ST6GALNAC3: variants seen among roughly 807,000 people sequenced by gnomAD.
ST6GALNAC3 encodes ST6 N-acetylgalactosaminide alpha-2,6-sialyltransferase 3, also known as alpha-N-acetylgalactosaminide alpha-2,6-sialyltransferase 3.
In ST6GALNAC3, 25 loss-of-function variants were observed where a neutral mutation model predicts 32.7. That is an observed-to-expected ratio of 0.76 (90% CI 0.56 to 1.07). The LOEUF (loss-of-function observed/expected upper bound fraction) is 1.07. ST6GALNAC3 is among the 50% of genes least tolerant of loss of function. The pLI is 0.00. For synonymous variants in ST6GALNAC3, 129 were observed against 133.1 expected (o/e 0.97, Z 0.21); for missense variants, 355 against 382.4 (o/e 0.93, Z 0.60).
chr1:76,486,184 G>A (rs1175501661), intron 3 of ST6GALNAC3, among the ~76,000 whole-genome samples: 2 of 152,198 alleles, frequency 1.3e-5, no homozygotes, highest in African/African-American at 4.8e-5. Context: ...GTGGTGATGA[G>A]AAGAATGTAT....
chr1:76,374,233 A>G (rs1651043952), intron 2 of ST6GALNAC3, among the ~76,000 whole-genome samples: 2 of 152,340 alleles, frequency 1.3e-5, no homozygotes, highest in South Asian at 4.1e-4. Context: ...TTGAAAAAAT[A>G]AATGTGATGC....
At chr1:76,393,108 A>G (rs2101163958) in intron 2 of ST6GALNAC3, among the ~76,000 whole-genome samples, 1 of 152,348 alleles carries the variant, frequency 6.6e-6, no homozygotes, top group Admixed American at 6.5e-5. Flanking sequence ...AGTCTTCCTA[A>G]CACCCAGAGA....
At chr1:76,130,468 T>C (rs562354257) in intron 1 of ST6GALNAC3, among the ~76,000 whole-genome samples, 1 of 152,298 alleles carries the variant, frequency 6.6e-6, no homozygotes, top group Admixed American at 6.5e-5. Flanking sequence ...GGCCATGCCT[T>C]CAGCTAGAAC....
chr1:76,618,644 G>T lies in ST6GALNAC3; in HGVS notation c.624-8808G>T, dbSNP rs1466387530. Among the ~76,000 whole-genome samples, 3 of 151,990 alleles carry T rather than the reference G, an allele frequency of 2.0e-5. No homozygotes were observed. In the East Asian group the frequency reaches 5.8e-4, roughly 29 times the overall value. The stretch of plus-strand genomic sequence containing the variant: ...GCTATAACTCTGCTAAGCTTAGCTG[G>T]CCGTGGCTCCAGTTTTGGGCTCATG... On this transcript the variant is annotated intron_variant, in intron 3 of 4. Coordinates refer to ENST00000328299, the MANE Select transcript of ST6GALNAC3 (RefSeq NM_152996.4).
chr1:76,084,323 G>T (rs948153300), intron 1 of ST6GALNAC3, among the ~76,000 whole-genome samples: 4 of 152,184 alleles, frequency 2.6e-5, no homozygotes, highest in African/African-American at 9.7e-5. Flanking sequence ...ATCTGAAAAT[G>T]CAGTCCTCAG....
intron 1 of ST6GALNAC3, among the ~76,000 whole-genome samples, chr1:76,172,501 G>A (rs1189757175): frequency 6.6e-6 from 1 of 152,120 alleles, no homozygotes; most frequent in East Asian, 1.9e-4. Flanking sequence ...AATCAGGCAA[G>A]AGAAAGAAAT....
intron 3 of ST6GALNAC3, among the ~76,000 whole-genome samples, chr1:76,510,280 T>C (rs1162306114): frequency 2.0e-5 from 3 of 152,104 alleles, no homozygotes; most frequent in African/African-American, 7.2e-5. Context: ...GGAGGCATGA[T>C]TATGAGCTAA....
intron 2 of ST6GALNAC3, among the ~76,000 whole-genome samples, chr1:76,325,704 A>G (rs1464279184): frequency 2.0e-5 from 3 of 149,978 alleles, no homozygotes; most frequent in Non-Finnish European, 3.0e-5. Flanking sequence ...GAGCTCTGAC[A>G]ATCTAGTACT....
chr1:76,208,797 T>A (rs529804778), intron 1 of ST6GALNAC3, among the ~76,000 whole-genome samples: 3 of 152,338 alleles, frequency 2.0e-5, no homozygotes, highest in Non-Finnish European at 4.4e-5. Flanking sequence ...TCAATACTTT[T>A]CATACTAAAC....
chr1:76,628,762 A>G lies in ST6GALNAC3; in HGVS notation c.874A>G (p.Lys292Glu), dbSNP rs771160661. ...EKKVFAKWAKKHRIIFTHPNW... is the reference protein window; with the variant it reads ...EKKVFAKWAKEHRIIFTHPNW... ...GAAAGTGTTTGCTAAATGGGCCAAG[A>G]AGCACAGGATAATATTTACACATCC... The change falls in exon 5 of 5, where the codon AAG becomes GAG. Residue 292 changes from lysine (K) to glutamate (E), a missense_variant. Transcript: ENST00000328299. 10 of 1,612,278 alleles carry G rather than the reference A, an allele frequency of 6.2e-6. No homozygotes were observed. The South Asian group carries it at 1.1e-4, about 18-fold the overall frequency.
intron 1 of ST6GALNAC3, among the ~76,000 whole-genome samples, chr1:76,090,001 G>A (rs1420868204): frequency 1.3e-5 from 2 of 152,126 alleles, no homozygotes; most frequent in Non-Finnish European, 2.9e-5. Flanking sequence ...ACATACACCT[G>A]GGTGTGCACT....
chr1:76,488,664 C>A (rs1660295161), intron 3 of ST6GALNAC3, among the ~76,000 whole-genome samples: 1 of 152,142 alleles, frequency 6.6e-6, no homozygotes, highest in Admixed American at 6.6e-5. Context: ...GGCCCTTTGA[C>A]CCCCACTAGT....
chr1:76,471,299 G>C (rs951985540), intron 3 of ST6GALNAC3, among the ~76,000 whole-genome samples: 1 of 152,062 alleles, frequency 6.6e-6, no homozygotes, highest in Non-Finnish European at 1.5e-5. Flanking sequence ...TTCATCTACT[G>C]TCTATAGCAC....
chr1:76,454,422 G>C (rs909355465), intron 3 of ST6GALNAC3, among the ~76,000 whole-genome samples: 1 of 152,094 alleles, frequency 6.6e-6, no homozygotes, highest in Non-Finnish European at 1.5e-5. Flanking sequence ...GGTGTGTTTT[G>C]AGGATTTGTT....
chr1:76,353,539 G>C (rs1232091875), intron 2 of ST6GALNAC3: 1 of 153,758 alleles, frequency 6.5e-6, no homozygotes, highest in Non-Finnish European at 1.5e-5. Context: ...GCCCAGGGCT[G>C]GGCACCTGAG....
intron 1 of ST6GALNAC3, among the ~76,000 whole-genome samples, chr1:76,281,757 A>G (rs531665490): frequency 4.1e-4 from 62 of 152,306 alleles, no homozygotes; most frequent in African/African-American, 1.4e-3. Context: ...CTACTCGATT[A>G]TGCTGCCTAT....
chr1:76,077,654 G>A (rs1013857184), intron 1 of ST6GALNAC3, among the ~76,000 whole-genome samples: 1 of 152,180 alleles, frequency 6.6e-6, no homozygotes, highest in Non-Finnish European at 1.5e-5. Flanking sequence ...GTTTTTACTA[G>A]AGATTTATTT....
chr1:76,207,106 A>G (rs1308859300), intron 1 of ST6GALNAC3, among the ~76,000 whole-genome samples: 2 of 152,228 alleles, frequency 1.3e-5, no homozygotes, highest in Non-Finnish European at 2.9e-5. Context: ...TAATTTTAAT[A>G]GTCACTGTGT....
intron 3 of ST6GALNAC3, among the ~76,000 whole-genome samples, chr1:76,512,988 GT>G (rs1037384830): frequency 5.1e-4 from 77 of 151,002 alleles, no homozygotes; most frequent in Non-Finnish European, 7.2e-4. Context: ...GGTATATTGG[GT>G]TTTTTTTCTT....
Sources: allele counts gnomAD v4.1 joint callset (sites outside exome capture counted in the v4.1 genomes callset), GRCh38; gene constraint gnomAD v4.1.1; transcripts MANE v1.5; gene names NCBI Gene and HGNC (gene_info 2026-07-23, HGNC 2026-07-21).